Variants in ROBO1 observed in about 807,000 individuals in gnomAD.
The protein encoded by ROBO1 is roundabout homolog 1.
In ROBO1, 149 loss-of-function variants were observed where a neutral mutation model predicts 195.9. The observed-to-expected ratio is 0.76, with a 90% confidence interval of 0.67 to 0.87. The LOEUF (loss-of-function observed/expected upper bound fraction) is 0.87. ROBO1 is among the 40% of genes least tolerant of loss of function. ROBO1 has a pLI of 0.00. For missense variants in ROBO1, 1,933 were observed against 2,068.3 expected (o/e 0.93, Z 1.27); for synonymous variants, 816 against 733.2 (o/e 1.11, Z -1.82).
Position 79,060,351 on chromosome 3 carries a change from C to T in ROBO1, c.172+65105G>A, listed in dbSNP as rs140026235. ...GTGTGATATTTTATTGCCTTTGAAG[C>T]ATGTGATCTCTGTGACCCACTCCCT... On this transcript the variant is annotated intron_variant, in intron 3 of 30. Transcript: ENST00000464233. 1.1e-3 allele frequency among the ~76,000 whole-genome samples: 168 copies of T among 152,068 alleles called. 4 individuals carry two copies. The East Asian group carries it at 0.027, about 24-fold the overall frequency.
intron 2 of ROBO1, among the ~76,000 whole-genome samples, chr3:79,437,256 G>T (rs890693376): frequency 7.9e-5 from 12 of 151,936 alleles, no homozygotes; most frequent in African/African-American, 2.9e-4. Flanking sequence ...TAAATCAGGG[G>T]TCAATGACCA....
At chr3:79,679,830 G>C (rs1454259295) in intron 1 of ROBO1, among the ~76,000 whole-genome samples, 1 of 151,860 alleles carries the variant, frequency 6.6e-6, no homozygotes. Flanking sequence ...TAGACTACAG[G>C]CTTTATGAGA....
At chr3:78,802,164 A>G (rs2084390457) in intron 4 of ROBO1, among the ~76,000 whole-genome samples, 1 of 152,162 alleles carries the variant, frequency 6.6e-6, no homozygotes, top group Admixed American at 6.5e-5. Context: ...TTACACAGAC[A>G]TTGAAGGGTG....
At chr3:78,663,303 G>T (rs1223894584) in intron 14 of ROBO1, among the ~76,000 whole-genome samples, 2 of 150,728 alleles carry the variant, frequency 1.3e-5, no homozygotes, top group African/African-American at 2.5e-5. Context: ...ACTTAACCTA[G>T]AAATTAAGCT....
chr3:79,672,793 T>A (rs1241867041), intron 1 of ROBO1, among the ~76,000 whole-genome samples: 6 of 151,960 alleles, frequency 3.9e-5, no homozygotes, highest in African/African-American at 1.4e-4. Context: ...GATACTTGAA[T>A]GTAATGACAA....
chr3:78,765,143 T>C (rs1448227249), intron 4 of ROBO1, among the ~76,000 whole-genome samples: 1 of 152,136 alleles, frequency 6.6e-6, no homozygotes, highest in Non-Finnish European at 1.5e-5. Flanking sequence ...AATTTTCATA[T>C]GATAATTTTA....
At chr3:79,261,553 A>G (rs74371873) in intron 2 of ROBO1, among the ~76,000 whole-genome samples, 9,328 of 152,062 alleles carry the variant, frequency 0.061, 345 homozygotes, top group African/African-American at 0.094. Context: ...AATGAAAAAT[A>G]TGTTTCATTT....
intron 2 of ROBO1, among the ~76,000 whole-genome samples, chr3:79,371,724 G>T (rs979260574): frequency 6.6e-6 from 1 of 152,166 alleles, no homozygotes; most frequent in African/African-American, 2.4e-5. Flanking sequence ...TGTGTCCCCT[G>T]AATTTGTGCA....
intron 2 of ROBO1, among the ~76,000 whole-genome samples, chr3:79,565,009 C>A (rs898384174): frequency 6.6e-6 from 1 of 151,994 alleles, no homozygotes; most frequent in Admixed American, 6.6e-5. Flanking sequence ...GATTTCAATT[C>A]AAATTGCTAA....
intron 2 of ROBO1, among the ~76,000 whole-genome samples, chr3:79,521,344 CAG>C (rs1053999708): frequency 1.2e-4 from 18 of 152,084 alleles, no homozygotes; most frequent in Non-Finnish European, 1.2e-4. Context: ...TTAGGAAACA[CAG>C]GGATTAATTT....
intron 3 of ROBO1, among the ~76,000 whole-genome samples, chr3:78,966,428 C>T (rs1392744778): frequency 1.3e-5 from 2 of 152,154 alleles, no homozygotes; most frequent in South Asian, 4.1e-4. Flanking sequence ...TCACAGTCGA[C>T]GAGAGAGGTC....
At chr3:79,401,180 A>AT (rs199942371) in intron 2 of ROBO1, among the ~76,000 whole-genome samples, 3 of 151,688 alleles carry the variant, frequency 2.0e-5, no homozygotes, top group Admixed American at 1.3e-4. Context: ...AGAATTACTG[A>AT]TTTTTTTAAA....
chr3:78,656,215 C>T (rs565872277), intron 18 of ROBO1, among the ~76,000 whole-genome samples: 2 of 151,986 alleles, frequency 1.3e-5, no homozygotes, highest in South Asian at 2.1e-4. Context: ...TACTCTTTGA[C>T]ATCTCAATCT....
chr3:79,687,879 G>C (rs370641065), intron 1 of ROBO1, among the ~76,000 whole-genome samples: 30 of 151,994 alleles, frequency 2.0e-4, no homozygotes, highest in East Asian at 5.8e-4. Flanking sequence ...GGTATATACC[G>C]AAAGGATTAT....
intron 1 of ROBO1, among the ~76,000 whole-genome samples, chr3:79,674,715 T>C (rs549642238): frequency 1.3e-5 from 2 of 152,036 alleles, no homozygotes; most frequent in East Asian, 3.9e-4. Flanking sequence ...TATTCTATAT[T>C]ATTTATGCAA....
At chr3:79,465,893 A>G (rs1327803429) in intron 2 of ROBO1, among the ~76,000 whole-genome samples, 4 of 152,122 alleles carry the variant, frequency 2.6e-5, no homozygotes, top group Non-Finnish European at 4.4e-5. Flanking sequence ...TCAGAAAATT[A>G]TCGGCTTCCA....
intron 2 of ROBO1, among the ~76,000 whole-genome samples, chr3:79,584,781 T>C (rs2107800865): frequency 1.3e-5 from 2 of 151,430 alleles, no homozygotes; most frequent in African/African-American, 4.8e-5. Flanking sequence ...AAGATCTCTT[T>C]CATGGGATCC....
intron 3 of ROBO1, among the ~76,000 whole-genome samples, chr3:79,070,648 G>A (rs1053758954): frequency 6.6e-6 from 1 of 151,668 alleles, no homozygotes; most frequent in Admixed American, 6.6e-5. Flanking sequence ...ATTTTTGTTT[G>A]TTTATGTAAT....
chr3:79,380,688 T>C (rs2036539367), intron 2 of ROBO1, among the ~76,000 whole-genome samples: 1 of 152,130 alleles, frequency 6.6e-6, no homozygotes, highest in Non-Finnish European at 1.5e-5. Flanking sequence ...CCCTATGTTG[T>C]GTCCTATCCA....
Sources: allele counts gnomAD v4.1 joint callset (sites outside exome capture counted in the v4.1 genomes callset), GRCh38; gene constraint gnomAD v4.1.1; transcripts MANE v1.5; gene names NCBI Gene and HGNC (gene_info 2026-07-23, HGNC 2026-07-21).